DNAH1: variants seen among roughly 807,000 people sequenced by gnomAD.
DNAH1 encodes axonemal beta dynein heavy chain 1.
A neutral mutation model predicts 484.3 loss-of-function variants in DNAH1; 327 were observed. The observed-to-expected ratio is 0.68, with a 90% CI of 0.62 to 0.74. DNAH1 has a LOEUF of 0.74. Among genes scored for constraint, DNAH1 ranks in the 30% least tolerant of loss-of-function variants. DNAH1 has a pLI of 0.00. For missense variants in DNAH1, 5,052 were observed against 5,546.8 expected (o/e 0.91, Z 2.83); for synonymous variants, 2,192 against 2,191.9 (o/e 1.00, Z 0.00).
rs1165630181 is a variant in DNAH1 at position 52,343,923 on chromosome 3, G to T, written c.1287-567G>T. The stretch of plus-strand genomic sequence containing the variant: ...AGGGGTCTGCCTATGTGAGGACGGG[G>T]GAGATGGTGTGCACGCTCACCCCAG... On this transcript the variant is annotated intron_variant, in intron 8 of 77. Transcript: ENST00000420323. Among the ~76,000 whole-genome samples the T allele has an allele frequency of 2.0e-5, 3 of 152,154 alleles. No homozygotes were observed. In the East Asian group the frequency reaches 5.8e-4, roughly 29 times the overall value.
intron 8 of DNAH1, among the ~76,000 whole-genome samples, chr3:52,334,382 C>T (rs1228799763): frequency 1.3e-5 from 2 of 152,162 alleles, no homozygotes; most frequent in African/African-American, 2.4e-5. Context: ...GGTGACTGAA[C>T]GTGAAGACCT....
Position 52,393,408 on chromosome 3 carries a change from C to T in DNAH1, c.10549C>T (p.Leu3517Phe). ...CCTCTACAGCAACGTCTGCCGCAGC[C>T]TCTTTGAGAAGCACAAGCTGATGTT... ...YSLYSNVCRSLFEKHKLMFAF... is the reference protein window; with the variant it reads ...YSLYSNVCRSFFEKHKLMFAF... Residue 3517 changes from leucine (L) to phenylalanine (F), a missense_variant, in exon 66 of 78, where the codon CTC becomes TTC. Physicochemically the swap from Leu to Phe is conservative, Grantham distance 22. This residue lies in a region of DNAH1 where 2,929 missense variants were observed against 3,409.4 expected (regional missense o/e 0.86). Coordinates refer to ENST00000420323, the MANE Select transcript of DNAH1 (RefSeq NM_015512.5). 1.2e-6 allele frequency: 2 copies of T among 1,614,082 alleles called. No homozygotes were observed. The highest frequency in any genetic ancestry group is 1.7e-6 in the Non-Finnish European group (2 of 1,179,912).
At position 52,363,024 on chromosome 3, in the gene DNAH1, T is replaced by G. The variant is rs752661305; in HGVS notation, c.5124T>G (p.Val1708=). Residue 1708 remains valine (V), a synonymous_variant, in exon 32 of 78, where the codon GTT becomes GTG. Transcript: ENST00000420323. ...KALFRPVAMM[V]PDYAMITEIS... Reference sequence around the variant, plus strand: ...TCTTCCGACCCGTGGCCATGATGGTTCCAGATTACGCCATGATCACTGAGA... The same window carrying G: ...TCTTCCGACCCGTGGCCATGATGGTGCCAGATTACGCCATGATCACTGAGA... 1 of 1,613,998 alleles carries G rather than the reference T, an allele frequency of 6.2e-7. No homozygotes were observed. The highest frequency in any genetic ancestry group is 1.1e-5 in the South Asian group (1 of 91,086).
chr3:52,399,837 C>T, intron 77 of DNAH1, 58 bp downstream of exon 77: 1 of 1,509,288 alleles, frequency 6.6e-7, no homozygotes, highest in East Asian at 2.3e-5. Context: ...CTAACCCAGC[C>T]CAGCCCAAGC....
chr3:52,364,936 T>G lies in DNAH1; in HGVS notation c.5435T>G (p.Ile1812Ser). The G allele has an allele frequency of 6.2e-7, 1 of 1,613,906 alleles. No homozygotes were observed. The highest frequency in any genetic ancestry group is 8.5e-7 in the Non-Finnish European group (1 of 1,179,848). ...ATCGTGTCCGACCTGTTTCCCACCA[T>G]CAAGGAGGAGGACACGGACTACGGC... ...SGIVSDLFPTIKEEDTDYGIL... is the reference protein window; with the variant it reads ...SGIVSDLFPTSKEEDTDYGIL... Residue 1812 changes from isoleucine to serine, a missense_variant, in exon 34 of 78, where the codon ATC (isoleucine) becomes AGC (serine). Coordinates refer to ENST00000420323, the MANE Select transcript of DNAH1 (RefSeq NM_015512.5). This position sits in a 1 kb window ranked among gnomAD's most constrained non-coding sequence, Gnocchi z 4.2.
Position 52,346,513 on chromosome 3 carries a change from G to A in DNAH1, c.1698G>A (p.Lys566=), listed in dbSNP as rs1280483229. Reference sequence around the variant, plus strand: ...AGGACAGCTGGATCAGCTCGCTAAAGGTGGCCATGCGCAGCAGCCTGCGCG... The same window carrying A: ...AGGACAGCTGGATCAGCTCGCTAAAAGTGGCCATGCGCAGCAGCCTGCGCG... ...FLKDSWISSL[K]VAMRSSLRDM... The change falls in exon 11 of 78, where the codon AAG becomes AAA. Residue 566 remains lysine, a synonymous_variant. Coordinates refer to ENST00000420323, the MANE Select transcript of DNAH1 (RefSeq NM_015512.5). 6.2e-6 allele frequency: 10 copies of A among 1,613,454 alleles called. No homozygotes were observed. The highest frequency in any genetic ancestry group is 8.5e-6 in the Non-Finnish European group (10 of 1,179,656).
chr3:52,324,580 C>T (rs370521381), intron 3 of DNAH1, among the ~76,000 whole-genome samples: 1 of 152,272 alleles, frequency 6.6e-6, no homozygotes, highest in Non-Finnish European at 1.5e-5. Context: ...TCCCCACCCC[C>T]AGGAAAGACC....
At chr3:52,337,938 GTGTGAGC>G in intron 8 of DNAH1, among the ~76,000 whole-genome samples, 1 of 152,156 alleles carries the variant, frequency 6.6e-6, no homozygotes, top group Admixed American at 6.5e-5. Context: ...GGGACCACAG[GTGTGAGC>G]TACCACGCTT....
Position 52,361,640 on chromosome 3 carries a change from C to T in DNAH1, c.4875-21C>T, listed in dbSNP as rs375766731. The T allele has an allele frequency of 1.0e-5, 16 of 1,582,502 alleles. No homozygotes were observed. Among genetic ancestry groups the T allele is most frequent in the Non-Finnish European group, 1.4e-5 (16 of 1,164,208 alleles). The stretch of plus-strand genomic sequence containing the variant: ...GGGCTCTGAACACATGTGCCCCATC[C>T]AATGTTCCGGCCTCACTCAGTGCTG... On this transcript the variant is annotated intron_variant, in intron 29 of 77. Transcript: ENST00000420323. This position sits in a 1 kb window ranked among gnomAD's most constrained non-coding sequence, Gnocchi z 5.6.
At position 52,391,159 on chromosome 3, in the gene DNAH1, C is replaced by A; in HGVS notation, c.9742-20C>A. ...TGGCTCTCAGTCCCTGCAACCCCTT[C>A]TTTTCCCCTTCCCTTACAGGAGAAG... On this transcript the variant is annotated intron_variant, in intron 61 of 77. Transcript: ENST00000420323. The A allele has an allele frequency of 6.2e-7, 1 of 1,613,534 alleles. No homozygotes were observed.
intron 44 of DNAH1, chr3:52,373,848 CAT>C: frequency 7.1e-7 from 1 of 1,410,200 alleles, no homozygotes; most frequent in East Asian, 2.3e-5. Flanking sequence ...AGAAGTAGTC[CAT>C]ATGTTTGCAG....
chr3:52,372,517 C>G (rs1703390723), intron 43 of DNAH1, 130 bp downstream of exon 43: 2 of 1,275,062 alleles, frequency 1.6e-6, no homozygotes, highest in Admixed American at 4.5e-5. Context: ...CTGACAGCCC[C>G]CCAATGGGCC....
intron 26 of DNAH1, 141 bp downstream of exon 26, chr3:52,359,527 G>T: frequency 8.2e-7 from 1 of 1,217,734 alleles, no homozygotes. Flanking sequence ...AGACACCCTT[G>T]AAGTGTCTCA....
rs1437484103 is a variant in DNAH1, at chr3:52,338,183, A to ACTGCAACCTCTGC, written c.1286+5792_1286+5804dup. 4.6e-5 allele frequency among the ~76,000 whole-genome samples: 7 copies of ACTGCAACCTCTGC among 152,140 alleles called. No individual in the cohort carries two copies. In the South Asian group the frequency reaches 1.5e-3, roughly 32 times the overall value. On this transcript the variant is annotated intron_variant, in intron 8 of 77. Transcript: ENST00000420323. ...GAGTGCAATGGTGCGATCTCTGCTC[A>ACTGCAACCTCTGC]CTGCAACCTCTGCCTCCCGGGCTCA...
intron 74 of DNAH1, 66 bp downstream of exon 74, chr3:52,397,943 C>T (rs1704712242): frequency 1.9e-6 from 3 of 1,576,890 alleles, no homozygotes; most frequent in South Asian, 2.4e-5. Flanking sequence ...CTGCCCACTC[C>T]CCTGTGGGAA....
chr3:52,394,202 T>C (rs1051341996), intron 66 of DNAH1, among the ~76,000 whole-genome samples: 1 of 152,254 alleles, frequency 6.6e-6, no homozygotes, highest in Non-Finnish European at 1.5e-5. Flanking sequence ...GACTCTGGCC[T>C]GGGAAGCAGT....
chr3:52,333,980 T>A (rs770214775), intron 8 of DNAH1, among the ~76,000 whole-genome samples: 13 of 152,238 alleles, frequency 8.5e-5, no homozygotes, highest in Non-Finnish European at 1.5e-4. Flanking sequence ...AGTTGGAATG[T>A]AGCCCCACTG....
intron 54 of DNAH1, 67 bp from the exon 55 acceptor site, chr3:52,386,093 A>G (rs1186261496): frequency 1.3e-6 from 2 of 1,516,082 alleles, no homozygotes; most frequent in East Asian, 2.4e-5. Context: ...CTCTCCTTCC[A>G]TCTGGGGAGA....
chr3:52,388,289 C>T lies in DNAH1; in HGVS notation c.9126C>T (p.Ala3042=), dbSNP rs1377145906. 1.2e-6 allele frequency: 2 copies of T among 1,602,178 alleles called. No individual in the cohort carries two copies. Among genetic ancestry groups the T allele is most frequent in the Non-Finnish European group, 1.7e-6 (2 of 1,174,566 alleles). The change falls in exon 57 of 78, where the codon GCC becomes GCT. Residue 3042 remains alanine (A), a synonymous_variant. Coordinates refer to ENST00000420323, the MANE Select transcript of DNAH1 (RefSeq NM_015512.5). ...CCTCCATCTGCCAGTGGGTGCGCGCCATGCACAAGTACCACTTTGTGGCCA... is the reference window on the plus strand; with the variant it reads ...CCTCCATCTGCCAGTGGGTGCGCGCTATGCACAAGTACCACTTTGTGGCCA... ...ACTSICQWVR[A]MHKYHFVAKA... is the part of the protein sequence containing the mutation.
Sources: gnomAD v4.1 joint callset for allele counts (sites outside exome capture counted in the v4.1 genomes callset) on GRCh38, gnomAD v4.1.1 for gene constraint, gnomAD v4.1.1 regional missense constraint, Gnocchi (gnomAD v3.1) non-coding constraint, MANE v1.5 for transcripts, NCBI Gene and HGNC (gene_info 2026-07-23, HGNC 2026-07-21) for gene names.